The following DPP8 variants were observed in gnomAD, a reference collection of about 807,000 sequenced individuals.
DPP8 encodes DPP VIII.
A neutral mutation model predicts 107.5 loss-of-function variants in DPP8; 31 were observed. The observed-to-expected ratio is 0.29, with a 90% confidence interval of 0.22 to 0.39. The LOEUF (loss-of-function observed/expected upper bound fraction) is 0.39, where lower values mean the gene tolerates loss of function less well. DPP8 is among the 10% of genes least tolerant of loss of function. The pLI, the probability that DPP8 is intolerant of heterozygous loss-of-function variation, is 1.00. For missense variants in DPP8, 842 were observed against 1,076.1 expected (o/e 0.78, Z 3.04); for synonymous variants, 381 against 356.6 (o/e 1.07, Z -0.77).
At chr15:65,453,495 G>A (rs1347470611) in intron 17 of DPP8, among the ~76,000 whole-genome samples, 9 of 152,108 alleles carry the variant, frequency 5.9e-5, no homozygotes, top group Admixed American at 4.6e-4. Flanking sequence ...AAGGCTGGGC[G>A]CAGTGGTTCA....
chr15:65,454,419 T>G lies in DPP8; in HGVS notation c.2119-4A>C. 1.3e-6 allele frequency: 2 copies of G among 1,583,440 alleles called. No homozygotes were observed. Among genetic ancestry groups the G allele is most frequent in the Non-Finnish European group, 1.7e-6 (2 of 1,169,464 alleles). On this transcript the variant is annotated splice_region_variant and splice_polypyrimidine_tract_variant and intron_variant, in intron 16 of 19. Coordinates refer to ENST00000300141, the MANE Select transcript of DPP8 (RefSeq NM_130434.5). ...GATCGTCAATTTCTATTTGACCCTG[T>G]CAAAAAAGGGAGAACATTTCACTGA...
At chr15:65,461,672 G>A (rs1181829870) in intron 15 of DPP8, among the ~76,000 whole-genome samples, 1 of 150,026 alleles carries the variant, frequency 6.7e-6, no homozygotes, top group Non-Finnish European at 1.5e-5. Context: ...GTACGATCTT[G>A]GCTCACTGCA....
intron 2 of DPP8, 80 bp from the exon 3 acceptor site, chr15:65,507,435 C>A: frequency 1.3e-6 from 1 of 791,386 alleles, no homozygotes; most frequent in Admixed American, 2.2e-5. Context: ...TACATAATGC[C>A]TTCTATACAC....
chr15:65,483,378 G>A (rs552528292), intron 8 of DPP8, among the ~76,000 whole-genome samples: 4 of 151,678 alleles, frequency 2.6e-5, no homozygotes, highest in East Asian at 1.9e-4. Flanking sequence ...TAAAATTAGC[G>A]GGGCATGGTG....
chr15:65,459,482 G>A (rs563156173), intron 15 of DPP8: 1 of 152,102 alleles, frequency 6.6e-6, no homozygotes, highest in Non-Finnish European at 1.5e-5. Context: ...TTCTTCTCTG[G>A]CCTCACCAAA....
chr15:65,498,081 A>G, intron 4 of DPP8, 49 bp from the exon 5 acceptor site: 1 of 1,355,180 alleles, frequency 7.4e-7, no homozygotes, highest in Non-Finnish European at 1.0e-6. Context: ...TGACACATAC[A>G]TGTTCCAGCA....
chr15:65,455,703 A>G, intron 16 of DPP8: 1 of 1,219,728 alleles, frequency 8.2e-7, no homozygotes, highest in Non-Finnish European at 1.0e-6. Flanking sequence ...GAAAATCCCC[A>G]TGTCTTACTC....
intron 7 of DPP8, among the ~76,000 whole-genome samples, chr15:65,485,559 A>G (rs963273756): frequency 4.0e-5 from 6 of 151,540 alleles, no homozygotes; most frequent in South Asian, 2.1e-4. Flanking sequence ...AAAAAAAAAA[A>G]AAAAAGAAAA....
In DPP8 at chr15:65,500,721, C is replaced by G. The variant is rs373358439; in HGVS notation, c.431G>C (p.Arg144Pro). 1.2e-6 allele frequency: 2 copies of G among 1,613,750 alleles called. No homozygotes were observed. The highest frequency in any genetic ancestry group is 1.7e-6 in the Non-Finnish European group (2 of 1,179,858). ...AGAAGCAATTCCGACTGTTCCAATG[C>G]GTTTTCTTTCTCTTAATAGTTCTTC... ...REEELLRERK[R>P]IGTVGIASYD... Residue 144 changes from arginine (R) to proline (P), a missense_variant, in exon 4 of 20, where the codon CGC becomes CCC. By Grantham distance (103) the Arg-to-Pro change is moderately radical. Transcript: ENST00000300141.
chr15:65,507,443 C>T, intron 2 of DPP8, 88 bp from the exon 3 acceptor site: 2 of 764,866 alleles, frequency 2.6e-6, no homozygotes, highest in East Asian at 2.6e-5. Context: ...GCCTTCTATA[C>T]ACTGCAATAT....
chr15:65,455,684 G>A, intron 16 of DPP8: 1 of 1,203,464 alleles, frequency 8.3e-7, no homozygotes, highest in Middle Eastern at 2.3e-4. Flanking sequence ...CAAAGAACTG[G>A]CTGTGGGAGA....
At chr15:65,468,364 G>A (rs2065543340) in intron 12 of DPP8, among the ~76,000 whole-genome samples, 1 of 152,020 alleles carries the variant, frequency 6.6e-6, no homozygotes, top group Non-Finnish European at 1.5e-5. Flanking sequence ...GCATGGTGAT[G>A]CATCCCTGTA....
At chr15:65,449,371 G>A (rs143699202) in intron 19 of DPP8, among the ~76,000 whole-genome samples, 184 of 150,810 alleles carry the variant, frequency 1.2e-3, no homozygotes, top group African/African-American at 4.3e-3. Flanking sequence ...CAGTATCAAA[G>A]AATAGTATTT....
intron 19 of DPP8, among the ~76,000 whole-genome samples, chr15:65,449,755 T>TA (rs1259945292): frequency 6.6e-6 from 1 of 152,124 alleles, no homozygotes; most frequent in African/African-American, 2.4e-5. Flanking sequence ...TTTCTTCACA[T>TA]ACTTTAGTCG....
Position 65,446,701 on chromosome 15 carries a change from G to T in DPP8, c.*183C>A. ...TATCATTTGATTTTGAGCATGTGGG[G>T]TTAAGGTATTAGATTACTACCACAA... On this transcript the variant is annotated 3_prime_UTR_variant, in exon 20 of 20. Transcript: ENST00000300141. 1 of 334,568 alleles carries T rather than the reference G, an allele frequency of 3.0e-6. No homozygotes were observed. Among genetic ancestry groups the T allele is most frequent in the East Asian group, 5.1e-5 (1 of 19,480 alleles). The allele number at this position is 334,568 out of a possible 1,614,324, so 20.7% of individuals were successfully genotyped here.
chr15:65,495,240 T>C (rs1398724756), intron 5 of DPP8, among the ~76,000 whole-genome samples: 2 of 152,180 alleles, frequency 1.3e-5, no homozygotes, highest in Non-Finnish European at 2.9e-5. Context: ...AGACATTACT[T>C]AGGATCAGTT....
chr15:65,483,586 CAATAAAATAAAATAAAATAA>C (rs71139408), intron 8 of DPP8, among the ~76,000 whole-genome samples: 49 of 140,780 alleles, frequency 3.5e-4, no homozygotes, highest in East Asian at 1.4e-3. Flanking sequence ...TTTCTTCAAA[CAATAAAATAAAATAAAATAA>C]AATAAAATAA....
At chr15:65,493,054 CTTTCT>C (rs777785435) in intron 5 of DPP8, among the ~76,000 whole-genome samples, 1 of 151,988 alleles carries the variant, frequency 6.6e-6, no homozygotes, top group African/African-American at 2.4e-5. Flanking sequence ...GAGCTCTTTT[CTTTCT>C]TTTCTTTCCT....
chr15:65,444,047 G>A lies in DPP8; in HGVS notation c.*2837C>T, dbSNP rs2063399253. 6.6e-6 allele frequency: 1 copy of A among 152,520 alleles called. No individual in the cohort carries two copies. Among genetic ancestry groups the A allele is most frequent in the East Asian group, 1.9e-4 (1 of 5,184 alleles). 9.4% of individuals were successfully genotyped at this position (152,520 alleles called of 1,614,324 possible). A position where few individuals can be genotyped will look rare whatever the true frequency, so the allele number is the denominator to read the frequency against. ...TTCTCCTGCCTCAGCCTCCCGAGTA[G>A]GTGGGATTATAGGCACACGCCATCA... On this transcript the variant is annotated 3_prime_UTR_variant, in exon 20 of 20. Transcript: ENST00000300141.
Sources: allele counts gnomAD v4.1 joint callset (sites outside exome capture counted in the v4.1 genomes callset), GRCh38; gene constraint gnomAD v4.1.1; transcripts MANE v1.5; gene names NCBI Gene and HGNC (gene_info 2026-07-23, HGNC 2026-07-21).